HS2ST1: variants seen among roughly 807,000 people sequenced by gnomAD.
The protein encoded by HS2ST1 is heparan sulfate 2-O-sulfotransferase 1, also known as 2-O-sulfotransferase.
A neutral mutation model predicts 42.9 loss-of-function variants in HS2ST1; 18 were observed. The ratio of observed to expected loss-of-function variants is 0.42; its 90% CI spans 0.29 to 0.62. HS2ST1 has a LOEUF of 0.62. Ranked by LOEUF, HS2ST1 falls within the 20% of genes least tolerant of loss-of-function variation. HS2ST1 has a pLI of 0.21. For synonymous variants in HS2ST1, 146 were observed against 152.9 expected (o/e 0.95, Z 0.33); for missense variants, 334 against 433.8 (o/e 0.77, Z 2.04).
intron 1 of HS2ST1, among the ~76,000 whole-genome samples, chr1:86,965,928 C>T (rs1648033625): frequency 6.6e-6 from 1 of 152,138 alleles, no homozygotes; most frequent in Non-Finnish European, 1.5e-5. Context: ...TGGGAAGATA[C>T]TTTGTGTTAT....
chr1:87,094,110 C>A lies in HS2ST1; in HGVS notation c.588+1441C>A, dbSNP rs185162917. Reference sequence around the variant, plus strand: ...ATATTTATTTCTAAATTCACTTGTGCGCTTTCTTTTTATTTTTTATTTTAG... The same window carrying A: ...ATATTTATTTCTAAATTCACTTGTGAGCTTTCTTTTTATTTTTTATTTTAG... On this transcript the variant is annotated intron_variant, in intron 4 of 6. Transcript: ENST00000370550. Among the ~76,000 whole-genome samples the A allele has an allele frequency of 9.3e-4, 142 of 151,956 alleles. 2 individuals are homozygous for A. Among genetic ancestry groups the A allele is most frequent in the Admixed American group, 9.2e-4 (14 of 15,256 alleles).
At chr1:87,074,794 A>G (rs1474564242) in intron 2 of HS2ST1, among the ~76,000 whole-genome samples, 12 of 152,198 alleles carry the variant, frequency 7.9e-5, no homozygotes, top group Admixed American at 7.9e-4. Flanking sequence ...AGCGCAGAAG[A>G]ATAGTCTTAA....
At chr1:87,041,981 G>A (rs1650535445) in intron 1 of HS2ST1, among the ~76,000 whole-genome samples, 2 of 152,122 alleles carry the variant, frequency 1.3e-5, no homozygotes, top group Admixed American at 1.3e-4. Flanking sequence ...TATCCCAGAA[G>A]TGGGATTGGT....
chr1:86,972,443 T>C (rs776215308), intron 1 of HS2ST1, among the ~76,000 whole-genome samples: 2 of 152,134 alleles, frequency 1.3e-5, no homozygotes, highest in African/African-American at 2.4e-5. Context: ...CCTTGAACTC[T>C]AGGGCTCAAG....
chr1:86,969,344 T>C (rs1648162281), intron 1 of HS2ST1, among the ~76,000 whole-genome samples: 2 of 152,340 alleles, frequency 1.3e-5, no homozygotes, highest in East Asian at 3.8e-4. Flanking sequence ...ACTTGTTTAT[T>C]GAGCCTTTTT....
At chr1:87,047,173 C>A (rs1394361204) in intron 1 of HS2ST1, among the ~76,000 whole-genome samples, 1 of 152,056 alleles carries the variant, frequency 6.6e-6, no homozygotes, top group East Asian at 1.9e-4. Context: ...TTTGTGTTAT[C>A]TCATTGTAGT....
At chr1:87,029,347 A>G (rs1350257639) in intron 1 of HS2ST1, among the ~76,000 whole-genome samples, 2 of 152,136 alleles carry the variant, frequency 1.3e-5, no homozygotes, top group African/African-American at 4.8e-5. Flanking sequence ...TTACTATTGT[A>G]CTGTTATTCT....
intron 1 of HS2ST1, among the ~76,000 whole-genome samples, chr1:86,922,104 T>C (rs1470542097): frequency 6.6e-6 from 1 of 151,990 alleles, no homozygotes; most frequent in Non-Finnish European, 1.5e-5. Context: ...GTCTTTAGGA[T>C]TAAAGGGGTA....
intron 1 of HS2ST1, among the ~76,000 whole-genome samples, chr1:86,961,063 C>G (rs1647829365): frequency 6.6e-6 from 1 of 151,836 alleles, no homozygotes; most frequent in African/African-American, 2.4e-5. Flanking sequence ...GTGGTACATC[C>G]AGACGATGCA....
intron 1 of HS2ST1, among the ~76,000 whole-genome samples, chr1:86,991,508 G>A (rs575034767): frequency 1.3e-5 from 2 of 152,286 alleles, no homozygotes; most frequent in East Asian, 3.9e-4. Context: ...ACAATAGTAG[G>A]TTATAATGTA....
chr1:86,955,827 A>G (rs901693149), intron 1 of HS2ST1, among the ~76,000 whole-genome samples: 1 of 152,232 alleles, frequency 6.6e-6, no homozygotes, highest in Middle Eastern at 3.4e-3. Context: ...TCTACCAAAA[A>G]TACAATAAAT....
chr1:86,921,869 G>C (rs1642261184), intron 1 of HS2ST1, among the ~76,000 whole-genome samples: 1 of 152,028 alleles, frequency 6.6e-6, no homozygotes, highest in Non-Finnish European at 1.5e-5. Flanking sequence ...AGTGTCAGGT[G>C]GTATATCTTT....
chr1:86,990,667 G>C (rs1197904460), intron 1 of HS2ST1, among the ~76,000 whole-genome samples: 1 of 148,786 alleles, frequency 6.7e-6, no homozygotes, highest in Non-Finnish European at 1.5e-5. Context: ...TTTTGAAACG[G>C]AGTTTTGCTC....
Position 87,057,712 on chromosome 1 carries a change from G to C in HS2ST1, c.125-15222G>C. On this transcript the variant is annotated intron_variant, in intron 1 of 6. Coordinates refer to ENST00000370550, the MANE Select transcript of HS2ST1 (RefSeq NM_012262.4). ...TAAAAATACAAAAAATTAGCCAGGC[G>C]TGGTGGCAGGTGCCTGTAGTCCCAG... Among the ~76,000 whole-genome samples the C allele has an allele frequency of 2.6e-5, 4 of 151,964 alleles. 1 individual carries two copies. In the South Asian group the frequency reaches 8.3e-4, roughly 32 times the overall value.
At chr1:86,925,314 T>C (rs1203179369) in intron 1 of HS2ST1, among the ~76,000 whole-genome samples, 1 of 152,202 alleles carries the variant, frequency 6.6e-6, no homozygotes, top group Non-Finnish European at 1.5e-5. Flanking sequence ...TTCTGAGCCC[T>C]CAAAACTGTT....
intron 1 of HS2ST1, among the ~76,000 whole-genome samples, chr1:87,030,953 G>A (rs922175455): frequency 2.6e-5 from 4 of 152,000 alleles, no homozygotes. Context: ...TTTGTGTTTC[G>A]TTTTGAGATG....
At chr1:86,999,331 G>A (rs1463844556) in intron 1 of HS2ST1, among the ~76,000 whole-genome samples, 2 of 151,708 alleles carry the variant, frequency 1.3e-5, no homozygotes, top group South Asian at 2.1e-4. Flanking sequence ...GGCATGCACC[G>A]CCATGCCCAG....
chr1:87,104,831 G>A lies in HS2ST1; in HGVS notation c.*135G>A, dbSNP rs1652295596. On this transcript the variant is annotated 3_prime_UTR_variant, in exon 7 of 7. Coordinates refer to ENST00000370550, the MANE Select transcript of HS2ST1 (RefSeq NM_012262.4). The stretch of plus-strand genomic sequence containing the variant: ...ATTGAGCCAAATTAGGAAACAGACA[G>A]TAACGTCAAGGAAGTAGATACTGGC... The A allele has an allele frequency of 5.0e-6, 3 of 601,186 alleles. No homozygotes were observed. The highest frequency in any genetic ancestry group is 8.8e-6 in the Non-Finnish European group (3 of 339,106). The allele number at this position is 601,186 out of a possible 1,614,324, so 37.2% of individuals were successfully genotyped here.
chr1:87,089,769 C>G (rs764862745), intron 3 of HS2ST1, among the ~76,000 whole-genome samples: 3 of 151,994 alleles, frequency 2.0e-5, no homozygotes, highest in Non-Finnish European at 2.9e-5. Context: ...ATCATACTTC[C>G]TAATAAATGC....
Sources: gnomAD v4.1 joint callset for allele counts (sites outside exome capture counted in the v4.1 genomes callset) on GRCh38, gnomAD v4.1.1 for gene constraint, MANE v1.5 for transcripts, NCBI Gene and HGNC (gene_info 2026-07-23, HGNC 2026-07-21) for gene names.